RO60: variants seen among roughly 807,000 people sequenced by gnomAD.
The protein encoded by RO60 is RNA-binding protein RO60.
RO60 carries 20 observed loss-of-function variants against 55.3 expected under a neutral mutation model. That is an observed-to-expected ratio of 0.36 (90% CI 0.25 to 0.53). The LOEUF (loss-of-function observed/expected upper bound fraction) is 0.53. RO60 is among the 20% of genes least tolerant of loss of function. RO60 has a pLI of 0.92. For missense variants in RO60, 558 were observed against 646.6 expected (o/e 0.86, Z 1.49); for synonymous variants, 213 against 213.6 (o/e 1.00, Z 0.02).
chr1:193,079,424 C>T (rs377225774), intron 5 of RO60, among the ~76,000 whole-genome samples: 1 of 152,074 alleles, frequency 6.6e-6, no homozygotes, highest in Non-Finnish European at 1.5e-5. Flanking sequence ...CAAGATGATT[C>T]ACTGGGGAAA....
At position 193,084,958 on chromosome 1, in the gene RO60, C is replaced by T. The variant is rs72740218; in HGVS notation, c.*227C>T. 0.064 allele frequency: 97,829 copies of T among 1,540,422 alleles called. 3,627 individuals are homozygous for T. The highest frequency in any genetic ancestry group is 0.12 in the Middle Eastern group (732 of 5,932). On this transcript the variant is annotated 3_prime_UTR_variant, in exon 9 of 9. Transcript: ENST00000400968. ...AATAGCTTCAGGATACTGTAGTTTCCTCTATCTAATAGAGAACTTTTTGTT... is the reference window on the plus strand; with the variant it reads ...AATAGCTTCAGGATACTGTAGTTTCTTCTATCTAATAGAGAACTTTTTGTT...
intron 2 of RO60, among the ~76,000 whole-genome samples, chr1:193,071,970 A>C (rs2370079): frequency 6.6e-6 from 1 of 151,286 alleles, no homozygotes; most frequent in African/African-American, 2.4e-5. Context: ...ATTGATTGTG[A>C]TCACTATTCA....
intron 1 of RO60, among the ~76,000 whole-genome samples, chr1:193,068,665 A>T (rs1043106317): frequency 5.9e-5 from 9 of 152,198 alleles, no homozygotes; most frequent in Admixed American, 5.9e-4. Flanking sequence ...TATCTCAAAA[A>T]TGTGACGCCT....
At position 193,084,990 on chromosome 1, in the gene RO60, C is replaced by CA. The variant is rs774674935; in HGVS notation, c.*260dup. On this transcript the variant is annotated 3_prime_UTR_variant, in exon 9 of 9. Transcript: ENST00000400968. ...TAATAGAGAACTTTTTGTTAACAGACACTGTAAAATAGTTTTGCTTTGTTG... is the reference window on the plus strand; with the variant it reads ...TAATAGAGAACTTTTTGTTAACAGACAACTGTAAAATAGTTTTGCTTTGTTG... 105 of 1,544,222 alleles carry CA rather than the reference C, an allele frequency of 6.8e-5. No individual in the cohort carries two copies. Among genetic ancestry groups the CA allele is most frequent in the Non-Finnish European group, 8.6e-5 (98 of 1,145,066 alleles).
At chr1:193,072,051 T>G (rs1405331424) in intron 2 of RO60, among the ~76,000 whole-genome samples, 1 of 152,128 alleles carries the variant, frequency 6.6e-6, no homozygotes, top group Non-Finnish European at 1.5e-5. Context: ...TCACCCAGGC[T>G]GGAGTGCAAT....
At chr1:193,082,111 A>G (rs1373484355) in intron 6 of RO60, 75 bp from the exon 7 acceptor site, 2 of 892,686 alleles carry the variant, frequency 2.2e-6, no homozygotes, top group Admixed American at 1.8e-5. Context: ...TCTTTTAAAC[A>G]TGAAGTTGGA....
At chr1:193,082,444 A>G in intron 7 of RO60, 118 bp from the exon 8 acceptor site, 1 of 1,374,360 alleles carries the variant, frequency 7.3e-7, no homozygotes, top group East Asian at 2.4e-5. Context: ...AAAACCGAAA[A>G]TATATATGCA....
chr1:193,080,507 G>A (rs879598963), intron 5 of RO60, among the ~76,000 whole-genome samples: 1 of 152,146 alleles, frequency 6.6e-6, no homozygotes, highest in Non-Finnish European at 1.5e-5. Flanking sequence ...AGAGTTAAAT[G>A]TATTCTTGTC....
intron 4 of RO60, 102 bp downstream of exon 4, chr1:193,076,749 T>C (rs1365077681): frequency 7.3e-7 from 1 of 1,369,762 alleles, no homozygotes; most frequent in African/African-American, 1.5e-5. Flanking sequence ...TTCGAGATGT[T>C]CATTATACCA....
At chr1:193,075,734 G>C in intron 2 of RO60, 86 bp from the exon 3 acceptor site, 1 of 979,172 alleles carries the variant, frequency 1.0e-6, no homozygotes, top group East Asian at 2.4e-5. Context: ...CAGTTATGTT[G>C]ATCATATAAT....
Position 193,077,095 on chromosome 1 carries a change from A to G in RO60, c.1086+45A>G, listed in dbSNP as rs750709170. 2.0e-6 allele frequency: 3 copies of G among 1,532,784 alleles called. No homozygotes were observed. The South Asian group carries it at 3.6e-5, about 18-fold the overall frequency. 94.9% of individuals were successfully genotyped at this position (1,532,784 alleles called of 1,614,324 possible). ...TTTAAAACAAATGACTGAAGACTTA[A>G]TATCTTTTGTAATAATACATTTTAA... On this transcript the variant is annotated intron_variant, in intron 5 of 8. Coordinates refer to ENST00000400968, the MANE Select transcript of RO60 (RefSeq NM_001173524.2).
chr1:193,079,627 A>C (rs1239443449), intron 5 of RO60, among the ~76,000 whole-genome samples: 1 of 152,184 alleles, frequency 6.6e-6, no homozygotes, highest in Non-Finnish European at 1.5e-5. Context: ...ATCAAACTTA[A>C]ACATTTTGTA....
chr1:193,086,288 A>C lies in RO60; in HGVS notation c.*1557A>C, dbSNP rs1246568715. On this transcript the variant is annotated 3_prime_UTR_variant, in exon 9 of 9. Coordinates refer to ENST00000400968, the MANE Select transcript of RO60 (RefSeq NM_001173524.2). ...GGGAATAAGAAAATATTCCTTTCAAATTTATTTGACATATTAATGCTGGTT... is the reference window on the plus strand; with the variant it reads ...GGGAATAAGAAAATATTCCTTTCAACTTTATTTGACATATTAATGCTGGTT... 1 of 152,760 alleles carries C rather than the reference A, an allele frequency of 6.5e-6. No individual in the cohort carries two copies. The highest frequency in any genetic ancestry group is 1.5e-5 in the Non-Finnish European group (1 of 68,626). 9.5% of individuals were successfully genotyped at this position (152,760 alleles called of 1,614,324 possible). A position where few individuals can be genotyped will look rare whatever the true frequency, so the allele number is the denominator to read the frequency against.
chr1:193,075,766 T>C (rs1558245013), intron 2 of RO60, 54 bp from the exon 3 acceptor site: 1 of 1,336,974 alleles, frequency 7.5e-7, no homozygotes, highest in Non-Finnish European at 1.0e-6. Context: ...AAACATGTTC[T>C]GTTTTTTTAC....
chr1:193,081,183 T>A (rs754633127), intron 5 of RO60, among the ~76,000 whole-genome samples, 181 bp from the exon 6 acceptor site: 4 of 152,156 alleles, frequency 2.6e-5, no homozygotes, highest in Non-Finnish European at 4.4e-5. Flanking sequence ...TATTTTTTTT[T>A]AATTTTCAGT....
At chr1:193,082,396 C>T (rs973324832) in intron 7 of RO60, 97 bp downstream of exon 7, 10 of 1,347,006 alleles carry the variant, frequency 7.4e-6, no homozygotes, top group Non-Finnish European at 1.0e-5. Flanking sequence ...TCTGTGAGAA[C>T]AAAATTTTTT....
rs1418819753 is a variant in RO60, at chr1:193,063,184, A to G, written c.-22+3408A>G. ...TCATTTTCTCTAAATCCTCACCAACACTTAATATTATTGTTTTGATTATAG... is the reference window on the plus strand; with the variant it reads ...TCATTTTCTCTAAATCCTCACCAACGCTTAATATTATTGTTTTGATTATAG... On this transcript the variant is annotated intron_variant, in intron 1 of 8. Transcript: ENST00000400968. Among the ~76,000 whole-genome samples, 3 of 152,264 alleles carry G rather than the reference A, an allele frequency of 2.0e-5. No individual in the cohort carries two copies. In the East Asian group the frequency reaches 5.8e-4, roughly 29 times the overall value.
In RO60 at chr1:193,088,162, CTTTTTTT is replaced by C. The variant is rs145943712; in HGVS notation, c.*3456_*3462del. ...GGTGTGCACTGCACTACCACGCCTG[CTTTTTTT>C]TTTTTTTTTTTTTTTTTTTTTTTTA... On this transcript the variant is annotated 3_prime_UTR_variant, in exon 9 of 9. Coordinates refer to ENST00000400968, the MANE Select transcript of RO60 (RefSeq NM_001173524.2). The C allele has an allele frequency of 3.4e-4, 15 of 44,382 alleles. No homozygotes were observed. Among genetic ancestry groups the C allele is most frequent in the East Asian group, 1.6e-3 (3 of 1,900 alleles). 2.7% of individuals were successfully genotyped at this position (44,382 alleles called of 1,614,324 possible).
intron 6 of RO60, among the ~76,000 whole-genome samples, chr1:193,081,756 A>C (rs55842934): frequency 0.021 from 3,203 of 152,242 alleles, 108 homozygotes; most frequent in African/African-American, 0.073. Context: ...ATGCTTAGAT[A>C]AAATGAAAAA....
Sources: gnomAD v4.1 joint callset for allele counts (sites outside exome capture counted in the v4.1 genomes callset) on GRCh38, gnomAD v4.1.1 for gene constraint, MANE v1.5 for transcripts, NCBI Gene and HGNC (gene_info 2026-07-23, HGNC 2026-07-21) for gene names.